The following MBD5 variants were observed in gnomAD, a reference collection of about 807,000 sequenced individuals.
MBD5 encodes the protein methyl-CpG-binding domain protein 5.
A neutral mutation model predicts 117.3 loss-of-function variants in MBD5; 13 were observed. The ratio of observed to expected loss-of-function variants is 0.11; its 90% CI spans 0.07 to 0.18. The LOEUF (loss-of-function observed/expected upper bound fraction) is 0.18, where lower values mean the gene tolerates loss of function less well. MBD5 is among the 10% of genes least tolerant of loss of function. The pLI is 1.00. For missense variants in MBD5, 1,879 were observed against 2,093.8 expected, an observed-to-expected ratio of 0.90 and a Z score of 2.00; for synonymous variants, 727 against 766.4, an observed-to-expected ratio of 0.95 and a Z score of 0.85.
intron 2 of MBD5, among the ~76,000 whole-genome samples, chr2:148,184,427 C>G (rs1037380529): frequency 6.6e-6 from 1 of 152,170 alleles, no homozygotes; most frequent in Non-Finnish European, 1.5e-5. Context: ...TCAAACTGAT[C>G]TTTGGATTCA....
chr2:148,331,518 A>G (rs1268019027), intron 3 of MBD5, among the ~76,000 whole-genome samples: 2 of 152,212 alleles, frequency 1.3e-5, no homozygotes, highest in African/African-American at 2.4e-5. Flanking sequence ...ATGTGTATTT[A>G]GATATTGAGT....
At chr2:148,371,417 T>C (rs1410326867) in intron 4 of MBD5, among the ~76,000 whole-genome samples, 1 of 152,170 alleles carries the variant, frequency 6.6e-6, no homozygotes, top group Non-Finnish European at 1.5e-5. Flanking sequence ...AGAATTCTTA[T>C]TGTAACATAT....
At chr2:148,022,201 A>G (rs929611904) in intron 1 of MBD5, among the ~76,000 whole-genome samples, 2 of 151,990 alleles carry the variant, frequency 1.3e-5, no homozygotes, top group African/African-American at 2.4e-5. Context: ...TTGGATATTG[A>G]CTTCAGTGTT....
intron 2 of MBD5, among the ~76,000 whole-genome samples, chr2:148,197,801 T>TG (rs1553483821): frequency 2.3e-5 from 3 of 133,018 alleles, no homozygotes; most frequent in Admixed American, 8.3e-5. Flanking sequence ...GAGGTTTTTT[T>TG]TTTTGTTTTT....
At chr2:148,158,344 A>G (rs1697920942) in intron 1 of MBD5, among the ~76,000 whole-genome samples, 2 of 152,360 alleles carry the variant, frequency 1.3e-5, no homozygotes, top group East Asian at 3.9e-4. Context: ...AAAGAAAATT[A>G]TAAGTATTAC....
intron 1 of MBD5, among the ~76,000 whole-genome samples, chr2:148,036,937 C>T (rs73007120): frequency 0.014 from 2,131 of 151,828 alleles, 49 homozygotes; most frequent in African/African-American, 0.049. Context: ...TTGGGGGACC[C>T]AGAAAATAAT....
chr2:148,387,100 G>T (rs1325210113), intron 4 of MBD5, among the ~76,000 whole-genome samples: 3 of 152,034 alleles, frequency 2.0e-5, no homozygotes, highest in Admixed American at 1.3e-4. Flanking sequence ...GCCAAAGACA[G>T]CAAGAGAAAG....
intron 12 of MBD5, among the ~76,000 whole-genome samples, chr2:148,503,899 T>C (rs1681946955): frequency 6.6e-6 from 1 of 152,218 alleles, no homozygotes; most frequent in Non-Finnish European, 1.5e-5. Flanking sequence ...TATTCAACAG[T>C]ACCCATTTCT....
At chr2:148,498,421 C>T (rs1425026400) in intron 11 of MBD5, among the ~76,000 whole-genome samples, 1 of 152,154 alleles carries the variant, frequency 6.6e-6, no homozygotes, top group African/African-American at 2.4e-5. Flanking sequence ...ACTGCAACCT[C>T]CAGCCTCCCA....
chr2:148,212,128 C>T (rs187877037), intron 2 of MBD5, among the ~76,000 whole-genome samples: 1 of 152,158 alleles, frequency 6.6e-6, no homozygotes, highest in African/African-American at 2.4e-5. Context: ...TTAAATTGTA[C>T]AATCCAGTGC....
chr2:148,038,906 TG>T (rs1415349919), intron 1 of MBD5, among the ~76,000 whole-genome samples: 1 of 152,086 alleles, frequency 6.6e-6, no homozygotes, highest in Non-Finnish European at 1.5e-5. Context: ...TACTTTGACT[TG>T]GGGACAGCAA....
intron 1 of MBD5, among the ~76,000 whole-genome samples, chr2:148,066,127 T>G (rs971920579): frequency 6.6e-6 from 1 of 152,046 alleles, no homozygotes; most frequent in Non-Finnish European, 1.5e-5. Flanking sequence ...TAGTGAGACT[T>G]CATGTCTCCA....
intron 3 of MBD5, among the ~76,000 whole-genome samples, chr2:148,237,672 A>G (rs1700120025): frequency 6.6e-6 from 1 of 152,210 alleles, no homozygotes; most frequent in Non-Finnish European, 1.5e-5. Context: ...AGTTATCAAA[A>G]TGTGACTCAG....
chr2:148,431,711 A>G (rs1705991228), intron 4 of MBD5, among the ~76,000 whole-genome samples: 1 of 152,098 alleles, frequency 6.6e-6, no homozygotes, highest in East Asian at 1.9e-4. Flanking sequence ...AAAGGACATG[A>G]TCTTATTCTT....
intron 1 of MBD5, among the ~76,000 whole-genome samples, chr2:148,140,247 A>G (rs998770077): frequency 1.3e-5 from 2 of 152,196 alleles, no homozygotes; most frequent in Admixed American, 1.3e-4. Context: ...TATATTGACA[A>G]TGGATTTTTG....
At chr2:148,462,368 T>A (rs1340860264) in intron 5 of MBD5, among the ~76,000 whole-genome samples, 1 of 152,182 alleles carries the variant, frequency 6.6e-6, no homozygotes, top group Non-Finnish European at 1.5e-5. Context: ...TCTATGAAGA[T>A]CTGTATTTTT....
At chr2:148,284,652 A>C (rs1701330411) in intron 3 of MBD5, among the ~76,000 whole-genome samples, 1 of 152,148 alleles carries the variant, frequency 6.6e-6, no homozygotes, top group South Asian at 2.1e-4. Context: ...CTGTACTGCC[A>C]CCTTTAAGAT....
At chr2:148,472,930 T>G (rs1282830077) in intron 8 of MBD5, among the ~76,000 whole-genome samples, 1 of 152,126 alleles carries the variant, frequency 6.6e-6, no homozygotes, top group Non-Finnish European at 1.5e-5. Context: ...TAAAAAAACT[T>G]AAGTAACTGT....
intron 4 of MBD5, among the ~76,000 whole-genome samples, chr2:148,372,902 T>G (rs756536225): frequency 1.3e-5 from 2 of 152,078 alleles, no homozygotes; most frequent in African/African-American, 4.8e-5. Context: ...TTTCCTCTGA[T>G]TTTCCACCGA....
Sources: allele counts gnomAD v4.1 joint callset (sites outside exome capture counted in the v4.1 genomes callset), GRCh38; gene constraint gnomAD v4.1.1; transcripts MANE v1.5; gene names NCBI Gene and HGNC (gene_info 2026-07-23, HGNC 2026-07-21).